The following ACVR1C variants were observed in gnomAD, a reference collection of about 807,000 sequenced individuals.
ACVR1C encodes activin A receptor type 1C.
Under a neutral mutation model 57.9 loss-of-function variants are expected in ACVR1C, and 23 were observed. The observed-to-expected ratio is 0.40, with a 90% CI of 0.29 to 0.56. The LOEUF (loss-of-function observed/expected upper bound fraction) is 0.56, where lower values mean the gene tolerates loss of function less well. Among genes scored for constraint, ACVR1C ranks in the 20% least tolerant of loss-of-function variants. The pLI, the probability that ACVR1C is intolerant of heterozygous loss-of-function variation, is 0.50. For missense variants in ACVR1C, 480 were observed against 607.9 expected (o/e 0.79, Z 2.21); for synonymous variants, 214 against 215.3 (o/e 0.99, Z 0.05).
At chr2:157,566,665 C>T (rs903604067) in intron 2 of ACVR1C, among the ~76,000 whole-genome samples, 21 of 151,704 alleles carry the variant, frequency 1.4e-4, no homozygotes, top group South Asian at 1.0e-3. Flanking sequence ...GCTTAAGAAA[C>T]GGCGCACCAC....
rs2105190998 is a variant in ACVR1C, at chr2:157,526,831, T to C, written c.*7087A>G. 1 of 152,286 alleles carries C rather than the reference T, an allele frequency of 6.6e-6. No individual in the cohort carries two copies. The highest frequency in any genetic ancestry group is 1.5e-5 in the Non-Finnish European group (1 of 68,012). 9.4% of individuals were successfully genotyped at this position (152,286 alleles called of 1,614,324 possible). The stretch of plus-strand genomic sequence containing the variant: ...GCTTCACAGAAACAAGTGCAAGAAG[T>C]GCTTGATTTATTATCTTTCCCACTT... On this transcript the variant is annotated 3_prime_UTR_variant, in exon 9 of 9. Transcript: ENST00000243349.
intron 2 of ACVR1C, among the ~76,000 whole-genome samples, chr2:157,559,784 C>T (rs1056884098): frequency 2.0e-5 from 3 of 151,454 alleles, no homozygotes; most frequent in Admixed American, 1.3e-4. Context: ...GCCTGGCTGA[C>T]GAATATTTCC....
intron 1 of ACVR1C, among the ~76,000 whole-genome samples, chr2:157,604,188 T>C (rs1682342278): frequency 6.6e-6 from 1 of 152,072 alleles, no homozygotes; most frequent in African/African-American, 2.4e-5. Flanking sequence ...TAGAAATTAT[T>C]ACAGTAACTA....
At chr2:157,588,145 T>C (rs1396446314) in intron 1 of ACVR1C, among the ~76,000 whole-genome samples, 1 of 151,900 alleles carries the variant, frequency 6.6e-6, no homozygotes, top group Admixed American at 6.6e-5. Flanking sequence ...TAATAGAATT[T>C]AGAATATCTA....
At chr2:157,541,796 T>C (rs1687630621) in intron 6 of ACVR1C, among the ~76,000 whole-genome samples, 1 of 152,218 alleles carries the variant, frequency 6.6e-6, no homozygotes, top group Non-Finnish European at 1.5e-5. Flanking sequence ...TGTCCTGGAA[T>C]CTCAAATACG....
chr2:157,557,714 T>G (rs1688137764), intron 2 of ACVR1C, among the ~76,000 whole-genome samples: 1 of 152,202 alleles, frequency 6.6e-6, no homozygotes. Context: ...CTTTTCATTT[T>G]AGAAAAATAA....
chr2:157,572,379 TAA>T (rs552511395), intron 2 of ACVR1C, among the ~76,000 whole-genome samples: 30 of 136,834 alleles, frequency 2.2e-4, no homozygotes, highest in East Asian at 2.1e-3. Flanking sequence ...AAAAAAAAAT[TAA>T]AAAAAAAAAA....
chr2:157,558,321 G>A (rs768860989), intron 2 of ACVR1C, among the ~76,000 whole-genome samples: 3 of 152,152 alleles, frequency 2.0e-5, no homozygotes, highest in African/African-American at 4.8e-5. Context: ...TGATAGTTTC[G>A]CCATTCTCCA....
chr2:157,537,536 G>C (rs1409869072), intron 8 of ACVR1C, among the ~76,000 whole-genome samples: 3 of 151,654 alleles, frequency 2.0e-5, no homozygotes, highest in Non-Finnish European at 4.4e-5. Context: ...ATTAGAAAAA[G>C]GATTGAGAAA....
At chr2:157,627,278 T>C (rs1682917912) in intron 1 of ACVR1C, among the ~76,000 whole-genome samples, 1 of 152,158 alleles carries the variant, frequency 6.6e-6, no homozygotes, top group Admixed American at 6.5e-5. Flanking sequence ...TTTTCACCCA[T>C]TTTTTAAAGA....
intron 1 of ACVR1C, among the ~76,000 whole-genome samples, chr2:157,612,439 C>T (rs1287851048): frequency 6.6e-6 from 1 of 152,162 alleles, no homozygotes; most frequent in Admixed American, 6.5e-5. Context: ...AGCCTGAGCA[C>T]AAGGGCCACA....
At position 157,535,179 on chromosome 2, in the gene ACVR1C, A is replaced by G. The variant is rs542563953; in HGVS notation, c.1357-1136T>C. On this transcript the variant is annotated intron_variant, in intron 8 of 8. Coordinates refer to ENST00000243349, the MANE Select transcript of ACVR1C (RefSeq NM_145259.3). ...AAAAAAAAAGGCTTAGAAAGCCCTC[A>G]ATTTAAGGATGACTATTTCCCTGAA... Among the ~76,000 whole-genome samples the G allele has an allele frequency of 9.9e-5, 15 of 151,174 alleles. No homozygotes were observed. The East Asian group carries it at 2.7e-3, about 27-fold the overall frequency.
chr2:157,534,567 C>A lies in ACVR1C; in HGVS notation c.1357-524G>T, dbSNP rs1166460299. Among the ~76,000 whole-genome samples the A allele has an allele frequency of 2.0e-5, 3 of 152,030 alleles. No individual in the cohort carries two copies. In the East Asian group the frequency reaches 5.8e-4, roughly 29 times the overall value. On this transcript the variant is annotated intron_variant, in intron 8 of 8. Coordinates refer to ENST00000243349, the MANE Select transcript of ACVR1C (RefSeq NM_145259.3). ...AAGTGTAAACGTACGAAAAAAAATTCATCAATCTGTATACTAAGATTTGTG... is the reference window on the plus strand; with the variant it reads ...AAGTGTAAACGTACGAAAAAAAATTAATCAATCTGTATACTAAGATTTGTG...
At chr2:157,581,267 T>A (rs79397752) in intron 2 of ACVR1C, among the ~76,000 whole-genome samples, 2,550 of 151,062 alleles carry the variant, frequency 0.017, 28 homozygotes, top group Non-Finnish European at 0.025. Flanking sequence ...ATCAGCAGAA[T>A]CAAAAACAGC....
chr2:157,597,022 C>A (rs1309781741), intron 1 of ACVR1C, among the ~76,000 whole-genome samples: 6 of 151,860 alleles, frequency 4.0e-5, no homozygotes, highest in East Asian at 1.9e-4. Flanking sequence ...GGGGCAGGGG[C>A]GGGAAGGTTT....
At chr2:157,597,223 A>G (rs1055832024) in intron 1 of ACVR1C, 3 of 531,330 alleles carry the variant, frequency 5.6e-6, no homozygotes, top group Admixed American at 6.4e-5. Flanking sequence ...CTGCATGTGC[A>G]TTAACCTGCC....
At chr2:157,575,230 G>GT (rs1688615463) in intron 2 of ACVR1C, among the ~76,000 whole-genome samples, 1 of 131,936 alleles carries the variant, frequency 7.6e-6, no homozygotes, top group Admixed American at 7.4e-5. Context: ...CCGGGTTCAA[G>GT]CGATTCTCCT....
rs941523779 is a variant in ACVR1C, at chr2:157,531,412, G to A, written c.*2506C>T. On this transcript the variant is annotated 3_prime_UTR_variant, in exon 9 of 9. Transcript: ENST00000243349. ...AATACCTCAAAATGTACTAACATAC[G>A]GATTTCTTCAGAGTGAAAGTTGAAC... 1 of 151,780 alleles carries A rather than the reference G, an allele frequency of 6.6e-6. No homozygotes were observed. Among genetic ancestry groups the A allele is most frequent in the Admixed American group, 6.6e-5 (1 of 15,214 alleles). The allele number at this position is 151,780 out of a possible 1,614,324, so 9.4% of individuals were successfully genotyped here. A position where few individuals can be genotyped will look rare whatever the true frequency, so the allele number is the denominator to read the frequency against.
chr2:157,624,285 C>T (rs1421943231), intron 1 of ACVR1C, among the ~76,000 whole-genome samples: 1 of 152,168 alleles, frequency 6.6e-6, no homozygotes, highest in Non-Finnish European at 1.5e-5. Context: ...TAACAGGTCC[C>T]ACAGGGCTCA....
Sources: gnomAD v4.1 joint callset for allele counts (sites outside exome capture counted in the v4.1 genomes callset) on GRCh38, gnomAD v4.1.1 for gene constraint, MANE v1.5 for transcripts, NCBI Gene and HGNC (gene_info 2026-07-23, HGNC 2026-07-21) for gene names.